DNAH3: variants seen among roughly 807,000 people sequenced by gnomAD.
The protein encoded by DNAH3 is dynein axonemal heavy chain 3, also known as axonemal beta dynein heavy chain 3.
DNAH3 carries 332 observed loss-of-function variants against 432.5 expected under a neutral mutation model. The ratio of observed to expected loss-of-function variants is 0.77; its 90% CI spans 0.70 to 0.84. DNAH3 has a LOEUF of 0.84. Ranked by LOEUF, DNAH3 falls within the 40% of genes least tolerant of loss-of-function variation. The probability of loss-of-function intolerance (pLI) is 0.00; values close to 1 mark genes in which losing one functional copy is unlikely to be tolerated. For synonymous variants in DNAH3, 1,956 were observed against 1,900.2 expected (o/e 1.03, Z -0.76); for missense variants, 4,861 against 5,114.0 (o/e 0.95, Z 1.51).
intron 17 of DNAH3, among the ~76,000 whole-genome samples, chr16:21,097,844 GAAGT>G (rs1323962650): frequency 6.6e-6 from 1 of 152,134 alleles, no homozygotes; most frequent in Non-Finnish European, 1.5e-5. Flanking sequence ...ACTTGCCTCA[GAAGT>G]AAGAATTTTA....
At chr16:21,112,127 C>T in intron 12 of DNAH3, 29 bp from the exon 13 acceptor site, 6 of 1,481,890 alleles carry the variant, frequency 4.0e-6, no homozygotes, top group Non-Finnish European at 5.6e-6. Flanking sequence ...TGAAATCAAA[C>T]ACACAAATAT....
exon 10 of DNAH3, chr16:21,122,033 A>G: frequency 6.2e-7 from 1 of 1,613,808 alleles, no homozygotes; most frequent in Non-Finnish European, 8.5e-7. Context: ...ATTGAAGACA[A>G]TAATGGGTTC....
rs201150477 is a variant in DNAH3 at position 21,120,761 on chromosome 16, C to T, written c.1678G>A (p.Ala560Thr). 3.1e-6 allele frequency: 5 copies of T among 1,613,924 alleles called. No individual in the cohort carries two copies. The Admixed American group carries it at 6.7e-5, about 22-fold the overall frequency. The change falls in exon 11 of 62, where the codon GCG (alanine) becomes ACG (threonine). Residue 560 changes from alanine to threonine, a missense_variant. Physicochemically the swap from Ala to Thr is moderately conservative, Grantham distance 58. Transcript: ENST00000261383. ...GTACCTGCCATTGCAGTGGCAGCCG[C>T]GTGCATGCTGGGCTCTCCTGGCTCA...
chr16:21,094,940 C>T (rs188133413), intron 18 of DNAH3, among the ~76,000 whole-genome samples: 2 of 152,276 alleles, frequency 1.3e-5, no homozygotes, highest in Non-Finnish European at 2.9e-5. Context: ...CTTTGCTCCT[C>T]CTTCACCTTC....
exon 53 of DNAH3, chr16:20,965,331 G>T (rs779254684): frequency 5.6e-6 from 9 of 1,606,228 alleles, no homozygotes; most frequent in Non-Finnish European, 6.8e-6. Context: ...TCAGTGGGGG[G>T]ATGTTGTCTT....
intron 11 of DNAH3, among the ~76,000 whole-genome samples, chr16:21,117,626 T>A (rs2092237595): frequency 6.6e-6 from 1 of 152,228 alleles, no homozygotes; most frequent in South Asian, 2.1e-4. Flanking sequence ...CCAGTGGATG[T>A]TGGTTTCCCT....
At chr16:21,085,180 A>G (rs1292220542) in intron 19 of DNAH3, among the ~76,000 whole-genome samples, 1 of 151,590 alleles carries the variant, frequency 6.6e-6, no homozygotes, top group East Asian at 2.0e-4. Flanking sequence ...GGAATTTGAG[A>G]CCAGCCTGGG....
rs1463110115 is a variant in DNAH3 at position 21,134,248 on chromosome 16, G to T, written c.1082+11C>A. 1 of 1,601,560 alleles carries T rather than the reference G, an allele frequency of 6.2e-7. No homozygotes were observed. The highest frequency in any genetic ancestry group is 8.5e-7 in the Non-Finnish European group (1 of 1,174,270). The stretch of plus-strand genomic sequence containing the variant: ...GAAAGGGAATGAAAAAAAAAGGGAG[G>T]GACTTCTTACTCTGCAAACCACAGT... On this transcript the variant is annotated intron_variant, in intron 7 of 61. Coordinates refer to ENST00000261383, the Ensembl canonical transcript of DNAH3.
At chr16:20,967,371 C>T (rs1421665449) in intron 52 of DNAH3, among the ~76,000 whole-genome samples, 3 of 151,526 alleles carry the variant, frequency 2.0e-5, no homozygotes, top group Admixed American at 6.6e-5. Flanking sequence ...CCTGGCTGTG[C>T]TTTGTGTATC....
chr16:21,075,882 C>A (rs867098679), intron 20 of DNAH3, among the ~76,000 whole-genome samples: 1 of 134,468 alleles, frequency 7.4e-6, no homozygotes, highest in East Asian at 2.3e-4. Context: ...CACCACTGCA[C>A]TCCACTCTGG....
At chr16:20,946,819 CTTTTTTTTTTT>C (rs71149199) in intron 57 of DNAH3, among the ~76,000 whole-genome samples, 3 of 70,902 alleles carry the variant, frequency 4.2e-5, no homozygotes, top group Non-Finnish European at 7.4e-5. Context: ...ATTGTGAGTC[CTTTTTTTTTTT>C]TTTTTTTTTT....
chr16:21,143,573 C>A (rs892186113), intron 3 of DNAH3, among the ~76,000 whole-genome samples: 17 of 152,136 alleles, frequency 1.1e-4, no homozygotes, highest in African/African-American at 3.9e-4. Context: ...CCAAAAGGAA[C>A]TAAGATGATG....
At chr16:20,982,678 A>C (rs747919515) in intron 49 of DNAH3, 43 bp downstream of exon 49, 2 of 1,542,692 alleles carry the variant, frequency 1.3e-6, no homozygotes, top group South Asian at 2.4e-5. Context: ...TCTGGACTTC[A>C]AATTTGGAAT....
intron 55 of DNAH3, among the ~76,000 whole-genome samples, chr16:20,954,285 T>G: frequency 6.7e-6 from 1 of 149,148 alleles, no homozygotes; most frequent in Non-Finnish European, 1.5e-5. Context: ...TTAATCTACC[T>G]ATAGACTTTT....
intron 59 of DNAH3, among the ~76,000 whole-genome samples, chr16:20,941,138 ACTATTAGC>A (rs148171470): frequency 0.02 from 3,100 of 152,260 alleles, 110 homozygotes; most frequent in African/African-American, 0.071. Flanking sequence ...GACTACTTTT[ACTATTAGC>A]CTGTGCTTGA....
intron 57 of DNAH3, among the ~76,000 whole-genome samples, chr16:20,946,253 A>T (rs1471081826): frequency 6.6e-6 from 1 of 152,232 alleles, no homozygotes; most frequent in East Asian, 1.9e-4. Context: ...ACAACCTCTT[A>T]TCATAACCCA....
At chr16:21,097,237 G>T in intron 18 of DNAH3, 118 bp downstream of exon 18, 1 of 1,227,336 alleles carries the variant, frequency 8.1e-7, no homozygotes, top group Non-Finnish European at 1.2e-6. Flanking sequence ...AATCTGGAGT[G>T]TCAGAATCTG....
At chr16:21,086,282 TA>T (rs1420471023) in intron 19 of DNAH3, among the ~76,000 whole-genome samples, 1 of 152,210 alleles carries the variant, frequency 6.6e-6, no homozygotes, top group Non-Finnish European at 1.5e-5. Flanking sequence ...TGGTTCCTTA[TA>T]AAAATCCCAG....
At chr16:21,138,394 G>A (rs1050323112) in intron 5 of DNAH3, among the ~76,000 whole-genome samples, 6 of 152,174 alleles carry the variant, frequency 3.9e-5, no homozygotes, top group African/African-American at 1.4e-4. Flanking sequence ...GCAGGGTGGG[G>A]GTAAAAAGTG....
Sources: allele counts gnomAD v4.1 joint callset (sites outside exome capture counted in the v4.1 genomes callset), GRCh38; gene constraint gnomAD v4.1.1; transcripts MANE v1.5; gene names NCBI Gene and HGNC (gene_info 2026-07-23, HGNC 2026-07-21).